Variants in ZNF148 observed in about 807,000 individuals in gnomAD.
ZNF148 encodes the protein Beta-Enolase Repressor Factor-1.
ZNF148 carries 7 observed loss-of-function variants against 67.7 expected under a neutral mutation model. The ratio of observed to expected loss-of-function variants is 0.10; its 90% CI spans 0.06 to 0.19. The LOEUF (loss-of-function observed/expected upper bound fraction) is 0.19, where lower values mean the gene tolerates loss of function less well. Among genes scored for constraint, ZNF148 ranks in the 10% least tolerant of loss-of-function variants. The probability of loss-of-function intolerance (pLI) is 1.00; values close to 1 mark genes in which losing one functional copy is unlikely to be tolerated. For synonymous variants in ZNF148, 333 were observed against 330.7 expected (o/e 1.01, Z -0.08); for missense variants, 583 against 947.1 (o/e 0.62, Z 5.05).
At chr3:125,286,876 A>G (rs1030383809) in intron 5 of ZNF148, among the ~76,000 whole-genome samples, 3 of 152,186 alleles carry the variant, frequency 2.0e-5, no homozygotes, top group African/African-American at 7.2e-5. Context: ...TTTAGTCTCT[A>G]TGTTTTTCAA....
intron 1 of ZNF148, among the ~76,000 whole-genome samples, chr3:125,356,788 T>C (rs1232166461): frequency 6.6e-6 from 1 of 152,230 alleles, no homozygotes; most frequent in African/African-American, 2.4e-5. Context: ...AGTTCTTTCC[T>C]GGCATCGTAA....
rs534698796 is a variant in ZNF148 at position 125,319,288 on chromosome 3, A to C, written c.-17+4021T>G. 4.6e-5 allele frequency among the ~76,000 whole-genome samples: 7 copies of C among 152,336 alleles called. 1 individual carries two copies. Among genetic ancestry groups the C allele is most frequent in the African/African-American group, 1.4e-4 (6 of 41,572 alleles). ...TATATTAAGTTGAAACAGAGTAAAC[A>C]GTTTTCGGTCGGGGCTTTTAATAAG... On this transcript the variant is annotated intron_variant, in intron 3 of 8. Transcript: ENST00000360647.
intron 7 of ZNF148, among the ~76,000 whole-genome samples, chr3:125,241,317 C>CTT (rs1223168147): frequency 2.9e-5 from 4 of 136,346 alleles, no homozygotes; most frequent in African/African-American, 8.2e-5. Flanking sequence ...TTCTTTCTTT[C>CTT]TTTTTTTTTT....
rs189152128 is a variant in ZNF148, at chr3:125,238,188, A to C, written c.668-3859T>G. 6.0e-4 allele frequency among the ~76,000 whole-genome samples: 91 copies of C among 152,344 alleles called. 1 individual carries two copies. Among genetic ancestry groups the C allele is most frequent in the African/African-American group, 1.9e-3 (77 of 41,592 alleles). ...GACCTAAAACTATAAAAATGGTAGA[A>C]TATAATATAGGAATAAATCCTTATG... On this transcript the variant is annotated intron_variant, in intron 7 of 8. Transcript: ENST00000360647.
intron 5 of ZNF148, among the ~76,000 whole-genome samples, chr3:125,280,371 G>A (rs999751196): frequency 6.6e-6 from 1 of 151,928 alleles, no homozygotes; most frequent in Non-Finnish European, 1.5e-5. Flanking sequence ...TCAACAACTT[G>A]TTCAATGTGC....
At chr3:125,352,716 C>T (rs1942199499) in intron 1 of ZNF148, among the ~76,000 whole-genome samples, 2 of 150,292 alleles carry the variant, frequency 1.3e-5, no homozygotes, top group Admixed American at 1.3e-4. Flanking sequence ...TTATTCAATT[C>T]CTATCAAACT....
At chr3:125,347,791 A>C (rs1323663937) in intron 1 of ZNF148, among the ~76,000 whole-genome samples, 1 of 152,104 alleles carries the variant, frequency 6.6e-6, no homozygotes, top group African/African-American at 2.4e-5. Flanking sequence ...CAGCCTCCCA[A>C]ACAGCTGAGA....
At chr3:125,235,375 C>A (rs1216061625) in intron 7 of ZNF148, among the ~76,000 whole-genome samples, 2 of 152,104 alleles carry the variant, frequency 1.3e-5, no homozygotes, top group Non-Finnish European at 2.9e-5. Flanking sequence ...TCTTGGTAAC[C>A]CTTTCAGACA....
intron 7 of ZNF148, among the ~76,000 whole-genome samples, chr3:125,240,098 C>A (rs1936280226): frequency 6.6e-6 from 1 of 152,190 alleles, no homozygotes; most frequent in Non-Finnish European, 1.5e-5. Flanking sequence ...AATTATATCT[C>A]AGTAACGTTA....
chr3:125,340,225 C>A (rs1403654951), intron 1 of ZNF148, among the ~76,000 whole-genome samples: 3 of 152,188 alleles, frequency 2.0e-5, no homozygotes, highest in Non-Finnish European at 4.4e-5. Context: ...TAGTCACATT[C>A]CTCCGCCAAA....
intron 3 of ZNF148, among the ~76,000 whole-genome samples, chr3:125,315,358 G>C (rs1257269400): frequency 6.6e-6 from 1 of 151,936 alleles, no homozygotes; most frequent in Non-Finnish European, 1.5e-5. Context: ...AATCACTAAA[G>C]AAAACTTAGA....
At chr3:125,327,402 C>T (rs1190983489) in intron 2 of ZNF148, among the ~76,000 whole-genome samples, 1 of 152,178 alleles carries the variant, frequency 6.6e-6, no homozygotes, top group African/African-American at 2.4e-5. Context: ...ACCTAAGTGG[C>T]ATATATAGAA....
At chr3:125,327,198 TATA>T (rs1419696033) in intron 2 of ZNF148, among the ~76,000 whole-genome samples, 1 of 152,170 alleles carries the variant, frequency 6.6e-6, no homozygotes, top group African/African-American at 2.4e-5. Context: ...ATCAGGAAGA[TATA>T]ATAACCGTGT....
chr3:125,289,892 C>G (rs72973841), intron 4 of ZNF148, among the ~76,000 whole-genome samples: 1 of 152,052 alleles, frequency 6.6e-6, no homozygotes, highest in African/African-American at 2.4e-5. Context: ...AAGATTAACA[C>G]GTATATCTGA....
intron 1 of ZNF148, among the ~76,000 whole-genome samples, chr3:125,368,298 T>C (rs1430566768): frequency 6.6e-6 from 1 of 152,254 alleles, no homozygotes; most frequent in Non-Finnish European, 1.5e-5. Flanking sequence ...CTCTTTAAAA[T>C]AAGTTACTTT....
At chr3:125,301,213 G>A (rs1407815509) in intron 4 of ZNF148, among the ~76,000 whole-genome samples, 3 of 152,178 alleles carry the variant, frequency 2.0e-5, no homozygotes, top group East Asian at 1.9e-4. Context: ...AGATGTAGAC[G>A]TTCAAAAGTT....
rs943186213 is a variant in ZNF148 at position 125,227,309 on chromosome 3, G to T, written c.*5032C>A. On this transcript the variant is annotated 3_prime_UTR_variant, in exon 9 of 9. Transcript: ENST00000360647. ...AAAATGGGATAGGAATAGTAATACT[G>T]TATAATCAGAATATCCTATTATCTT... 1.3e-5 allele frequency: 2 copies of T among 152,586 alleles called. No homozygotes were observed. Among genetic ancestry groups the T allele is most frequent in the Non-Finnish European group, 2.9e-5 (2 of 68,030 alleles). 9.5% of individuals were successfully genotyped at this position (152,586 alleles called of 1,614,324 possible).
intron 4 of ZNF148, among the ~76,000 whole-genome samples, chr3:125,295,573 A>C (rs980434348): frequency 3.3e-5 from 5 of 152,214 alleles, no homozygotes; most frequent in Admixed American, 3.3e-4. Context: ...TAGTATGGCA[A>C]AACAAGAAAA....
chr3:125,272,536 G>C (rs537585670), intron 7 of ZNF148, among the ~76,000 whole-genome samples: 18 of 152,004 alleles, frequency 1.2e-4, no homozygotes, highest in Non-Finnish European at 2.2e-4. Context: ...TAATAAAATG[G>C]AATCAATCTT....
Sources: allele counts gnomAD v4.1 joint callset (sites outside exome capture counted in the v4.1 genomes callset), GRCh38; gene constraint gnomAD v4.1.1; transcripts MANE v1.5; gene names NCBI Gene and HGNC (gene_info 2026-07-23, HGNC 2026-07-21).